PTAR1: variants seen among roughly 807,000 people sequenced by gnomAD.
PTAR1 encodes the protein protein prenyltransferase alpha subunit repeat-containing protein 1.
A neutral mutation model predicts 45.5 loss-of-function variants in PTAR1; 17 were observed. The ratio of observed to expected loss-of-function variants is 0.37; its 90% CI spans 0.26 to 0.56. The LOEUF (loss-of-function observed/expected upper bound fraction) is 0.56, where lower values mean the gene tolerates loss of function less well. PTAR1 is among the 20% of genes least tolerant of loss of function. The pLI, the probability that PTAR1 is intolerant of heterozygous loss-of-function variation, is 0.77. For synonymous variants in PTAR1, 169 were observed against 171.3 expected, an observed-to-expected ratio of 0.99 and a Z score of 0.11; for missense variants, 391 against 476.3, an observed-to-expected ratio of 0.82 and a Z score of 1.67.
At chr9:69,747,676 C>A (rs779516467) in intron 2 of PTAR1, among the ~76,000 whole-genome samples, 5 of 152,146 alleles carry the variant, frequency 3.3e-5, no homozygotes, top group Non-Finnish European at 5.9e-5. Context: ...TATGTCCCAG[C>A]CAACTATTGC....
chr9:69,750,732 T>A, intron 2 of PTAR1, 49 bp downstream of exon 2: 1 of 1,384,022 alleles, frequency 7.2e-7, no homozygotes, highest in Non-Finnish European at 1.0e-6. Flanking sequence ...CCTACTATAT[T>A]CCATGTCGCT....
At chr9:69,751,707 C>T (rs752667479) in intron 1 of PTAR1, among the ~76,000 whole-genome samples, 30 of 152,006 alleles carry the variant, frequency 2.0e-4, no homozygotes, top group African/African-American at 6.0e-4. Context: ...TATCAAAAAA[C>T]GTTATTTTAT....
intron 3 of PTAR1, among the ~76,000 whole-genome samples, chr9:69,739,731 T>C (rs893873094): frequency 2.0e-5 from 3 of 152,216 alleles, no homozygotes; most frequent in Non-Finnish European, 2.9e-5. Flanking sequence ...TTGCTCAAAA[T>C]GTACCTATGA....
chr9:69,759,758 C>T, intron 1 of PTAR1, 95 bp downstream of exon 1: 1 of 1,273,582 alleles, frequency 7.9e-7, no homozygotes, highest in Non-Finnish European at 1.1e-6. Flanking sequence ...GGCCAGGACC[C>T]GCTGTCCGCC....
chr9:69,751,412 T>A (rs1826528887), intron 1 of PTAR1, among the ~76,000 whole-genome samples: 1 of 151,212 alleles, frequency 6.6e-6, no homozygotes, highest in Non-Finnish European at 1.5e-5. Context: ...TATGCTGACA[T>A]AAAAAAAGTT....
intron 5 of PTAR1, among the ~76,000 whole-genome samples, chr9:69,725,566 G>A (rs1380155158): frequency 6.6e-6 from 1 of 150,494 alleles, no homozygotes; most frequent in East Asian, 2.0e-4. Context: ...CTCCAGCCTG[G>A]GCGACAAAAC....
chr9:69,744,402 C>T (rs7023462), intron 2 of PTAR1, among the ~76,000 whole-genome samples: 143,083 of 150,786 alleles, frequency 0.95, 67,884 homozygotes, highest in Middle Eastern at 0.99. Flanking sequence ...TTTTTTTTCT[C>T]TGAGACGGAG....
At chr9:69,750,394 G>A (rs1826470522) in intron 2 of PTAR1, among the ~76,000 whole-genome samples, 1 of 151,864 alleles carries the variant, frequency 6.6e-6, no homozygotes, top group African/African-American at 2.4e-5. Flanking sequence ...GAGTTTTGCT[G>A]CCTATAAAAA....
chr9:69,736,956 T>C (rs938456209), intron 3 of PTAR1, among the ~76,000 whole-genome samples: 3 of 152,174 alleles, frequency 2.0e-5, no homozygotes, highest in Non-Finnish European at 2.9e-5. Context: ...ATCAATGTAA[T>C]AAACATTGCT....
intron 3 of PTAR1, among the ~76,000 whole-genome samples, chr9:69,738,097 T>G (rs566641063): frequency 3.3e-5 from 5 of 152,348 alleles, no homozygotes; most frequent in Non-Finnish European, 7.3e-5. Context: ...TGTCTCCTTA[T>G]GCTCCTCTTG....
chr9:69,747,260 G>A (rs1428564292), intron 2 of PTAR1, among the ~76,000 whole-genome samples: 1 of 152,202 alleles, frequency 6.6e-6, no homozygotes, highest in African/African-American at 2.4e-5. Context: ...CAAGCCATCT[G>A]AGTAAAGGGC....
In PTAR1 at chr9:69,745,753, G is replaced by C. The variant is rs546047250; in HGVS notation, c.257-3895C>G. 1.1e-4 allele frequency among the ~76,000 whole-genome samples: 17 copies of C among 152,240 alleles called. No individual in the cohort carries two copies. The South Asian group carries it at 3.3e-3, about 30-fold the overall frequency. On this transcript the variant is annotated intron_variant, in intron 2 of 7. Coordinates refer to ENST00000340434, the MANE Select transcript of PTAR1 (RefSeq NM_001099666.2). Reference sequence around the variant, plus strand: ...CTCTCTAGGCCTTAATGTCCTTCTCGTATGTAAGATGGAGCTATCATGGGT... The same window carrying C: ...CTCTCTAGGCCTTAATGTCCTTCTCCTATGTAAGATGGAGCTATCATGGGT...
At chr9:69,754,532 C>CTTTTTTTTTTTTTTTTTTTT (rs60025062) in intron 1 of PTAR1, among the ~76,000 whole-genome samples, 1 of 76,266 alleles carries the variant, frequency 1.3e-5, no homozygotes, top group Non-Finnish European at 2.4e-5. Flanking sequence ...GGGTATATAT[C>CTTTTTTTTTTTTTTTTTTTT]TTTTTTTTTT....
In PTAR1 at chr9:69,735,704, ATTAT is replaced by A. The variant is rs1456934043; in HGVS notation, c.324-1454_324-1451del. On this transcript the variant is annotated intron_variant, in intron 3 of 7. Coordinates refer to ENST00000340434, the MANE Select transcript of PTAR1 (RefSeq NM_001099666.2). ...TTATAATAAAATCAGATCATTTGTT[ATTAT>A]TTATCTTAAAATGTCCTTCCTGTGT... Among the ~76,000 whole-genome samples, 21 of 152,122 alleles carry A rather than the reference ATTAT, an allele frequency of 1.4e-4. No homozygotes were observed. The East Asian group carries it at 3.9e-3, about 28-fold the overall frequency.
At chr9:69,755,267 G>A (rs930506678) in intron 1 of PTAR1, among the ~76,000 whole-genome samples, 2 of 152,130 alleles carry the variant, frequency 1.3e-5, no homozygotes, top group African/African-American at 2.4e-5. Context: ...AGAGCAATGT[G>A]GAACGAACCA....
intron 5 of PTAR1, among the ~76,000 whole-genome samples, chr9:69,729,408 ATT>A (rs1417292444): frequency 1.3e-5 from 2 of 152,238 alleles, no homozygotes; most frequent in Admixed American, 6.5e-5. Flanking sequence ...CAAAATATAC[ATT>A]TTAGTCATAA....
rs116719286 is a variant in PTAR1, at chr9:69,712,465, C to T, written c.*5877G>A. Reference sequence around the variant, plus strand: ...ATGTTGTGCAACTGTATATCTTTGCCTTATGCATTTGAAACTGATTATGTA... The same window carrying T: ...ATGTTGTGCAACTGTATATCTTTGCTTTATGCATTTGAAACTGATTATGTA... On this transcript the variant is annotated 3_prime_UTR_variant, in exon 8 of 8. Coordinates refer to ENST00000340434, the MANE Select transcript of PTAR1 (RefSeq NM_001099666.2). 1.3e-5 allele frequency: 2 copies of T among 152,162 alleles called. No homozygotes were observed. The highest frequency in any genetic ancestry group is 4.8e-5 in the African/African-American group (2 of 41,510). The allele number at this position is 152,162 out of a possible 1,614,324, so 9.4% of individuals were successfully genotyped here.
intron 5 of PTAR1, chr9:69,731,914 T>C (rs956579638): frequency 1.6e-5 from 9 of 551,798 alleles, no homozygotes; most frequent in Non-Finnish European, 2.9e-5. Context: ...CCTGCCTTGC[T>C]TTACCAATGC....
intron 5 of PTAR1, 89 bp from the exon 6 acceptor site, chr9:69,723,719 T>C: frequency 1.9e-6 from 2 of 1,042,680 alleles, no homozygotes; most frequent in Non-Finnish European, 2.8e-6. Context: ...TTTGATTTGT[T>C]CCTTTTTTGA....
Sources: gnomAD v4.1 joint callset for allele counts (sites outside exome capture counted in the v4.1 genomes callset) on GRCh38, gnomAD v4.1.1 for gene constraint, MANE v1.5 for transcripts, NCBI Gene and HGNC (gene_info 2026-07-23, HGNC 2026-07-21) for gene names.